The following FAM90A10 variants were observed in gnomAD, a reference collection of about 807,000 sequenced individuals.
FAM90A10 encodes the protein protein FAM90A10.
the FAM90A10 span, chr8:7,769,193 A>C: frequency 9.8e-6 from 1 of 102,384 alleles, no homozygotes; most frequent in Non-Finnish European, 1.7e-5. Flanking sequence ...GTTGGATTCC[A>C]AAGAGTTCTG....
the FAM90A10 span, chr8:7,771,261 TCC>T: frequency 4.0e-6 from 2 of 494,616 alleles, 1 homozygote; most frequent in Admixed American, 9.0e-5. Flanking sequence ...CCCGAGCCTC[TCC>T]TCGTGGTGAA....
At chr8:7,769,285 G>C in the FAM90A10 span, among the ~76,000 whole-genome samples, 2 of 67,062 alleles carry the variant, frequency 3.0e-5, no homozygotes, top group Non-Finnish European at 6.0e-5. Flanking sequence ...TCCCTTGAGA[G>C]ACTCTTGGGG....
At chr8:7,769,418 G>T in the FAM90A10 span, among the ~76,000 whole-genome samples, 1,019 of 111,686 alleles carry the variant, frequency 9.1e-3, 294 homozygotes, top group Non-Finnish European at 8.2e-3. Flanking sequence ...CGTCACAAGG[G>T]CTTTGCGAGG....
At chr8:7,770,362 T>C in the FAM90A10 span, 13 of 126,308 alleles carry the variant, frequency 1.0e-4, 3 homozygotes, top group East Asian at 5.2e-4. Context: ...CATCTGAGGG[T>C]GAGTGTCACC....
the FAM90A10 span, among the ~76,000 whole-genome samples, chr8:7,770,657 G>A: frequency 9.6e-5 from 1 of 10,368 alleles, no homozygotes; most frequent in Non-Finnish European, 2.3e-4. Flanking sequence ...CTAAACCCAG[G>A]AACATGCATG....
chr8:7,770,942 T>C, the FAM90A10 span: 1 of 161,408 alleles, frequency 6.2e-6, no homozygotes, highest in Non-Finnish European at 9.8e-6. Context: ...TCATGGCGTG[T>C]GCACCTTGTC....
At chr8:7,769,575 A>T in the FAM90A10 span, 6 of 379,258 alleles carry the variant, frequency 1.6e-5, 2 homozygotes, top group South Asian at 1.5e-4. Context: ...CACTGACATC[A>T]CTTCCTTTCC....
At chr8:7,769,369 G>A in the FAM90A10 span, among the ~76,000 whole-genome samples, 2 of 105,698 alleles carry the variant, frequency 1.9e-5, no homozygotes, top group African/African-American at 6.8e-5. Context: ...TCACCATCGT[G>A]CCCCTTGGAA....
At chr8:7,771,439 C>A in the FAM90A10 span, 5 of 444,180 alleles carry the variant, frequency 1.1e-5, 2 homozygotes, top group Non-Finnish European at 1.1e-5. Flanking sequence ...GCCTAGGCTC[C>A]AATCTCAGCT....
chr8:7,769,620 TG>T, the FAM90A10 span: 1 of 625,528 alleles, frequency 1.6e-6, no homozygotes, highest in Non-Finnish European at 2.4e-6. Context: ...GCGGGGCCTT[TG>T]GCCACACGGC....
the FAM90A10 span, among the ~76,000 whole-genome samples, chr8:7,769,441 C>T: frequency 3.6e-5 from 4 of 110,266 alleles, no homozygotes; most frequent in African/African-American, 1.3e-4. Flanking sequence ...ACATCGTATC[C>T]GAACTCTCCC....
the FAM90A10 span, chr8:7,770,112 G>A: frequency 8.1e-6 from 1 of 122,806 alleles, no homozygotes. Flanking sequence ...GGCACGTGAG[G>A]GAAGGTGCAG....
At chr8:7,769,038 A>T in the FAM90A10 span, 1 of 156,080 alleles carries the variant, frequency 6.4e-6, no homozygotes, top group Non-Finnish European at 1.0e-5. Flanking sequence ...CAGACCCTCC[A>T]GAAGCAGCGG....
At chr8:7,769,408 C>T in the FAM90A10 span, among the ~76,000 whole-genome samples, 2 of 111,588 alleles carry the variant, frequency 1.8e-5, no homozygotes, top group African/African-American at 6.6e-5. Context: ...AGAGTTCCTC[C>T]GTCACAAGGG....
chr8:7,771,206 G>T, the FAM90A10 span: 3 of 391,586 alleles, frequency 7.7e-6, no homozygotes, highest in South Asian at 7.6e-5. Context: ...AAGACAGACA[G>T]GGGCTGCGGC....
chr8:7,769,480 C>G, the FAM90A10 span: 1 of 377,870 alleles, frequency 2.6e-6, no homozygotes, highest in Non-Finnish European at 4.5e-6. Context: ...TGCCGGTGTC[C>G]CCTCTTTGGA....
the FAM90A10 span, chr8:7,769,122 TG>T: frequency 7.7e-6 from 1 of 129,528 alleles, no homozygotes; most frequent in South Asian, 6.0e-5. Flanking sequence ...CTGGATCTCT[TG>T]GGTATCGGGG....
the FAM90A10 span, among the ~76,000 whole-genome samples, chr8:7,769,372 C>T: frequency 1.9e-5 from 2 of 106,300 alleles, 1 homozygote; most frequent in Admixed American, 2.2e-4. Context: ...CCATCGTGCC[C>T]CTTGGAACCT....
At chr8:7,769,451 C>G in the FAM90A10 span, 1 of 395,266 alleles carries the variant, frequency 2.5e-6, no homozygotes, top group East Asian at 7.3e-5. Context: ...CGAACTCTCC[C>G]AGCACTTAAC....
Sources: allele counts gnomAD v4.1 joint callset (sites outside exome capture counted in the v4.1 genomes callset), GRCh38; gene constraint gnomAD v4.1.1; transcripts MANE v1.5; gene names NCBI Gene and HGNC (gene_info 2026-07-23, HGNC 2026-07-21).